CPED1: variants seen among roughly 807,000 people sequenced by gnomAD.
CPED1 encodes the protein cadherin-like and PC-esterase domain-containing protein 1.
A neutral mutation model predicts 128.2 loss-of-function variants in CPED1; 114 were observed. The ratio of observed to expected loss-of-function variants is 0.89; its 90% CI spans 0.76 to 1.04. The LOEUF (loss-of-function observed/expected upper bound fraction) is 1.04, where lower values mean the gene tolerates loss of function less well. Ranked by LOEUF, CPED1 falls within the 50% of genes least tolerant of loss-of-function variation. CPED1 has a pLI of 0.00. For synonymous variants in CPED1, 462 were observed against 426.7 expected, an observed-to-expected ratio of 1.08 and a Z score of -1.02; for missense variants, 1,211 against 1,207.1, an observed-to-expected ratio of 1.00 and a Z score of -0.05.
intron 5 of CPED1, among the ~76,000 whole-genome samples, chr7:121,094,107 G>A (rs183837444): frequency 6.6e-6 from 1 of 152,220 alleles, no homozygotes. Flanking sequence ...TCAGGCAGGA[G>A]GAACAATTAA....
At chr7:121,165,483 C>T (rs574112090) in intron 16 of CPED1, among the ~76,000 whole-genome samples, 7 of 151,954 alleles carry the variant, frequency 4.6e-5, no homozygotes, top group Non-Finnish European at 1.5e-5. Context: ...TAATCTTTAC[C>T]CCAGTCTTCC....
In CPED1 at chr7:121,136,091, G is replaced by T. The variant is rs1373760233; in HGVS notation, c.1699+1G>T. The T allele has an allele frequency of 1.3e-6, 2 of 1,548,246 alleles. No individual in the cohort carries two copies. The highest frequency in any genetic ancestry group is 2.8e-5 in the African/African-American group (2 of 71,262). The stretch of plus-strand genomic sequence containing the variant: ...AATAAAGAAATACATTGCAGTGATG[G>T]TGAGTTGAGATTAAAGTGTTGTAGC... On this transcript the variant is annotated splice_donor_variant, in intron 14 of 22. Coordinates refer to ENST00000310396, the MANE Select transcript of CPED1 (RefSeq NM_024913.5). LOFTEE classifies it high-confidence loss of function.
chr7:121,004,335 A>C (rs1339924353), intron 2 of CPED1, among the ~76,000 whole-genome samples: 1 of 152,166 alleles, frequency 6.6e-6, no homozygotes, highest in Non-Finnish European at 1.5e-5. Flanking sequence ...CAGGGGGTAT[A>C]AATGTGGTGA....
chr7:121,045,544 ATAT>A (rs1304195335), intron 3 of CPED1, among the ~76,000 whole-genome samples: 6 of 152,340 alleles, frequency 3.9e-5, no homozygotes, highest in African/African-American at 1.2e-4. Flanking sequence ...TTCTTTGGAA[ATAT>A]TATGCTTGTC....
chr7:121,149,082 T>A (rs1040444701), intron 16 of CPED1, among the ~76,000 whole-genome samples: 2 of 152,218 alleles, frequency 1.3e-5, no homozygotes, highest in Non-Finnish European at 2.9e-5. Context: ...TGCCCTTGAT[T>A]TAAATGCATA....
At chr7:121,053,373 G>A (rs1046248163) in intron 4 of CPED1, among the ~76,000 whole-genome samples, 4 of 152,036 alleles carry the variant, frequency 2.6e-5, no homozygotes, top group African/African-American at 9.7e-5. Flanking sequence ...GTGTTTTGTG[G>A]AATGATCCTC....
Position 121,020,399 on chromosome 7 carries a change from AT to A in CPED1, c.433+4554del, listed in dbSNP as rs533802832. On this transcript the variant is annotated intron_variant, in intron 3 of 22. Transcript: ENST00000310396. The stretch of plus-strand genomic sequence containing the variant: ...CTGCTTTTGTATTGCCTTTGGCAGC[AT>A]TTGTTTTACAAAGGCAGAGTTGATT... Among the ~76,000 whole-genome samples, 199 of 152,106 alleles carry A rather than the reference AT, an allele frequency of 1.3e-3. 1 individual carries two copies. Among genetic ancestry groups the A allele is most frequent in the Non-Finnish European group, 1.7e-3 (116 of 67,870 alleles).
At chr7:121,095,068 T>C (rs1794668607) in intron 5 of CPED1, among the ~76,000 whole-genome samples, 1 of 152,194 alleles carries the variant, frequency 6.6e-6, no homozygotes, top group South Asian at 2.1e-4. Flanking sequence ...TTTAACATTT[T>C]TAACAAGTAT....
intron 22 of CPED1, among the ~76,000 whole-genome samples, chr7:121,286,250 G>A (rs906618882): frequency 1.6e-4 from 24 of 152,152 alleles, no homozygotes; most frequent in African/African-American, 5.6e-4. Flanking sequence ...CTCTAATGAC[G>A]TGTAGGGATT....
Position 121,141,061 on chromosome 7 carries a change from A to G in CPED1, c.1886+48A>G, listed in dbSNP as rs1008493204. 5.5e-6 allele frequency: 8 copies of G among 1,441,688 alleles called. No homozygotes were observed. The African/African-American group carries it at 8.8e-5, about 16-fold the overall frequency. The allele number at this position is 1,441,688 out of a possible 1,614,324, so 89.3% of individuals were successfully genotyped here. On this transcript the variant is annotated intron_variant, in intron 15 of 22. Transcript: ENST00000310396. ...GTGTTGAGACACTATACTGGGAAGT[A>G]GACATTTGATGCAAACTTTGAAAGT...
At chr7:121,259,937 A>C (rs1391784478) in intron 18 of CPED1, among the ~76,000 whole-genome samples, 1 of 152,050 alleles carries the variant, frequency 6.6e-6, no homozygotes, top group East Asian at 1.9e-4. Context: ...AAGGTGTTTA[A>C]ATTTTCAAAG....
chr7:121,154,840 G>A (rs1055267236), intron 16 of CPED1, among the ~76,000 whole-genome samples: 4 of 152,158 alleles, frequency 2.6e-5, no homozygotes, highest in African/African-American at 9.6e-5. Context: ...CACCGCGCCC[G>A]GCCTAGAGAT....
intron 16 of CPED1, among the ~76,000 whole-genome samples, chr7:121,186,002 A>G (rs974282612): frequency 7.9e-5 from 12 of 152,194 alleles, no homozygotes; most frequent in African/African-American, 2.4e-4. Flanking sequence ...TACATCCAAC[A>G]AACTGGATAT....
chr7:121,245,702 ATTTT>A (rs763119181), intron 18 of CPED1, among the ~76,000 whole-genome samples: 1 of 140,886 alleles, frequency 7.1e-6, no homozygotes, highest in African/African-American at 2.6e-5. Flanking sequence ...CTCCACAGGC[ATTTT>A]TTTTTTTTTT....
chr7:121,212,336 T>A (rs1294621217), intron 16 of CPED1, among the ~76,000 whole-genome samples: 1 of 151,880 alleles, frequency 6.6e-6, no homozygotes, highest in African/African-American at 2.4e-5. Flanking sequence ...TAAATCAGGG[T>A]CCAGTAAGTC....
chr7:121,071,182 T>C (rs928041724), intron 5 of CPED1, among the ~76,000 whole-genome samples: 2 of 152,172 alleles, frequency 1.3e-5, no homozygotes, highest in Non-Finnish European at 2.9e-5. Context: ...CAGGAGCAAG[T>C]GGTCTCACTG....
Position 121,234,246 on chromosome 7 carries a change from C to A in CPED1, c.2056-2468C>A, listed in dbSNP as rs57330570. Among the ~76,000 whole-genome samples the A allele has an allele frequency of 8.2e-3, 1,246 of 152,120 alleles. 11 individuals carry two copies. The highest frequency in any genetic ancestry group is 0.027 in the African/African-American group (1,123 of 41,526). ...GGACTTGAGCTTACCTAATGCAATT[C>A]TTTGCCTTCTCCTCTCCCCAGCCTT... On this transcript the variant is annotated intron_variant, in intron 16 of 22. Coordinates refer to ENST00000310396, the MANE Select transcript of CPED1 (RefSeq NM_024913.5).
At chr7:121,258,356 C>A (rs1791937470) in intron 18 of CPED1, among the ~76,000 whole-genome samples, 1 of 152,002 alleles carries the variant, frequency 6.6e-6, no homozygotes, top group East Asian at 1.9e-4. Flanking sequence ...ACAATCATTG[C>A]AATATAGCAC....
At chr7:121,086,180 G>C (rs1794422957) in intron 5 of CPED1, among the ~76,000 whole-genome samples, 1 of 151,748 alleles carries the variant, frequency 6.6e-6, no homozygotes, top group South Asian at 2.1e-4. Flanking sequence ...TTTTAGAACA[G>C]TTTTGTGTCA....
Sources: allele counts gnomAD v4.1 joint callset (sites outside exome capture counted in the v4.1 genomes callset), GRCh38; gene constraint gnomAD v4.1.1; transcripts MANE v1.5; gene names NCBI Gene and HGNC (gene_info 2026-07-23, HGNC 2026-07-21).